The following MTUS2 variants were observed in gnomAD, a reference collection of about 807,000 sequenced individuals.
MTUS2 encodes the protein microtubule-associated tumor suppressor candidate 2.
MTUS2 carries 40 observed loss-of-function variants against 114.1 expected under a neutral mutation model. The ratio of observed to expected loss-of-function variants is 0.35; its 90% confidence interval spans 0.27 to 0.46. The LOEUF (loss-of-function observed/expected upper bound fraction) is 0.46, where lower values mean the gene tolerates loss of function less well. Ranked by LOEUF, MTUS2 falls within the 20% of genes least tolerant of loss-of-function variation. The pLI is 1.00. For synonymous variants in MTUS2, 688 were observed against 672.0 expected (o/e 1.02, Z -0.37); for missense variants, 1,679 against 1,705.4 (o/e 0.98, Z 0.27).
At chr13:29,020,953 AT>A (rs1886267665) in intron 2 of MTUS2, among the ~76,000 whole-genome samples, 1 of 152,136 alleles carries the variant, frequency 6.6e-6, no homozygotes, top group Non-Finnish European at 1.5e-5. Flanking sequence ...AAGACTTGTA[AT>A]TGTGTAATTT....
chr13:29,124,980 T>G (rs1012831041), intron 5 of MTUS2, among the ~76,000 whole-genome samples: 23 of 152,194 alleles, frequency 1.5e-4, no homozygotes, highest in African/African-American at 5.5e-4. Flanking sequence ...AGTGTCACTT[T>G]GGGAAGATGC....
chr13:28,933,098 T>C (rs1036882133), intron 2 of MTUS2, among the ~76,000 whole-genome samples: 1 of 150,042 alleles, frequency 6.7e-6, no homozygotes, highest in Non-Finnish European at 1.5e-5. Context: ...TATATTAGTG[T>C]AGGTTCTCTG....
chr13:29,424,031 ATTT>A (rs35299233), intron 8 of MTUS2, among the ~76,000 whole-genome samples: 4 of 145,258 alleles, frequency 2.8e-5, no homozygotes, highest in African/African-American at 2.5e-5. Flanking sequence ...TGCCTGGCTA[ATTT>A]TTTTTTTTTT....
At chr13:29,008,760 C>T (rs1593378655) in intron 2 of MTUS2, among the ~76,000 whole-genome samples, 1 of 152,220 alleles carries the variant, frequency 6.6e-6, no homozygotes, top group East Asian at 1.9e-4. Context: ...GGATTTAGGG[C>T]TTTCCATTTG....
intron 8 of MTUS2, among the ~76,000 whole-genome samples, chr13:29,365,494 G>GTGT (rs1870629813): frequency 6.6e-6 from 1 of 151,066 alleles, no homozygotes; most frequent in Non-Finnish European, 1.5e-5. Context: ...TCATCAATAC[G>GTGT]TTTTTTTGTT....
chr13:29,272,944 A>G (rs529945605), intron 5 of MTUS2, among the ~76,000 whole-genome samples: 1 of 152,306 alleles, frequency 6.6e-6, no homozygotes, highest in South Asian at 2.1e-4. Flanking sequence ...TCTGAGGGGA[A>G]GAACTTTGTG....
At chr13:29,203,314 G>A (rs1895039407) in intron 5 of MTUS2, among the ~76,000 whole-genome samples, 1 of 152,146 alleles carries the variant, frequency 6.6e-6, no homozygotes, top group African/African-American at 2.4e-5. Context: ...TACACTGTGA[G>A]GGGAAAACCA....
At chr13:29,188,984 A>G (rs997674830) in intron 5 of MTUS2, among the ~76,000 whole-genome samples, 1 of 152,232 alleles carries the variant, frequency 6.6e-6, no homozygotes, top group Non-Finnish European at 1.5e-5. Flanking sequence ...AACAACATGT[A>G]GAGTCTGAAA....
intron 2 of MTUS2, among the ~76,000 whole-genome samples, chr13:28,935,910 C>A (rs1307635824): frequency 1.3e-5 from 2 of 152,054 alleles, no homozygotes; most frequent in African/African-American, 4.8e-5. Flanking sequence ...CCATATCTGG[C>A]TAATTTTTAA....
chr13:28,820,638 C>G (rs545920660), intron 1 of MTUS2, 27 bp downstream of exon 1: 3 of 152,184 alleles, frequency 2.0e-5, no homozygotes, highest in African/African-American at 7.2e-5. Context: ...CTGCGCGGTC[C>G]GGTGGGGTCG....
intron 2 of MTUS2, among the ~76,000 whole-genome samples, chr13:28,984,254 T>C (rs1884480488): frequency 6.6e-6 from 1 of 152,162 alleles, no homozygotes; most frequent in Non-Finnish European, 1.5e-5. Context: ...TAAATTATCA[T>C]TGGTTTTGGA....
chr13:29,346,894 G>C (rs1196786895), intron 7 of MTUS2, among the ~76,000 whole-genome samples: 1 of 150,066 alleles, frequency 6.7e-6, no homozygotes, highest in Non-Finnish European at 1.5e-5. Flanking sequence ...ATTTGTCTTA[G>C]CTCCCTATAA....
intron 9 of MTUS2, among the ~76,000 whole-genome samples, chr13:29,465,727 G>C (rs762509817): frequency 1.2e-4 from 19 of 152,092 alleles, no homozygotes; most frequent in Non-Finnish European, 2.4e-4. Flanking sequence ...CCTTGGCAAG[G>C]GGCAGAGCCA....
At chr13:28,981,700 C>T (rs1884365511) in intron 2 of MTUS2, among the ~76,000 whole-genome samples, 1 of 152,170 alleles carries the variant, frequency 6.6e-6, no homozygotes, top group African/African-American at 2.4e-5. Context: ...TGGCGCTTGG[C>T]AATGGGCCTC....
chr13:29,232,322 ACG>A (rs60682566), intron 5 of MTUS2, among the ~76,000 whole-genome samples: 71,217 of 128,024 alleles, frequency 0.56, 17,370 homozygotes, highest in Non-Finnish European at 0.62. Context: ...ACACACACAC[ACG>A]CACACATACA....
intron 9 of MTUS2, among the ~76,000 whole-genome samples, chr13:29,445,941 A>G (rs1196738166): frequency 6.6e-6 from 1 of 151,748 alleles, no homozygotes; most frequent in Non-Finnish European, 1.5e-5. Context: ...ATATAATTCT[A>G]TCCCCAGCCT....
intron 5 of MTUS2, among the ~76,000 whole-genome samples, chr13:29,278,276 A>G (rs1406921859): frequency 6.6e-6 from 1 of 152,218 alleles, no homozygotes; most frequent in Non-Finnish European, 1.5e-5. Context: ...GCAAAGTACA[A>G]ATCAGGAGGG....
intron 8 of MTUS2, among the ~76,000 whole-genome samples, chr13:29,393,156 A>G (rs1873638960): frequency 1.3e-5 from 2 of 152,190 alleles, no homozygotes. Context: ...CTTGCAGTCC[A>G]GCAAAGCCTC....
intron 2 of MTUS2, among the ~76,000 whole-genome samples, chr13:28,857,504 C>G (rs1876711182): frequency 6.6e-6 from 1 of 152,144 alleles, no homozygotes. Context: ...GTTTTCATAT[C>G]AAGAGGCAGC....
Sources: gnomAD v4.1 joint callset for allele counts (sites outside exome capture counted in the v4.1 genomes callset) on GRCh38, gnomAD v4.1.1 for gene constraint, MANE v1.5 for transcripts, NCBI Gene and HGNC (gene_info 2026-07-23, HGNC 2026-07-21) for gene names.